The following PLAGL2 variants were observed in gnomAD, a reference collection of about 807,000 sequenced individuals.
PLAGL2 encodes zinc finger protein PLAGL2.
PLAGL2 carries 7 observed loss-of-function variants against 29.0 expected under a neutral mutation model. That is an observed-to-expected ratio of 0.24 (90% CI 0.14 to 0.45). PLAGL2 has a LOEUF of 0.45. Among genes scored for constraint, PLAGL2 ranks in the 20% least tolerant of loss-of-function variants. PLAGL2 has a pLI of 0.99. For missense variants in PLAGL2, 454 were observed against 648.2 expected, an observed-to-expected ratio of 0.70 and a Z score of 3.25; for synonymous variants, 234 against 266.0, an observed-to-expected ratio of 0.88 and a Z score of 1.17.
intron 1 of PLAGL2, among the ~76,000 whole-genome samples, chr20:32,205,729 C>T (rs774278853): frequency 2.0e-5 from 3 of 152,170 alleles, no homozygotes; most frequent in Non-Finnish European, 4.4e-5. Context: ...GTGAGGTATG[C>T]AAAGGGCTCA....
chr20:32,202,006 T>G lies in PLAGL2; in HGVS notation c.173A>C (p.His58Pro). 1 of 1,614,022 alleles carries G rather than the reference T, an allele frequency of 6.2e-7. No individual in the cohort carries two copies. The highest frequency in any genetic ancestry group is 1.3e-5 in the African/African-American group (1 of 75,062). Residue 58 changes from histidine to proline, a missense_variant, in exon 2 of 3, where the codon CAC (histidine) becomes CCC (proline). Around this residue, in one of 4 missense-constraint regions of PLAGL2, gnomAD observed 89 missense variants for 90.4 expected, o/e 0.98. Transcript: ENST00000246229. ...TCTCTGCTCTGGTTGCGGGAGGCTG[T>G]GAGGCCTCAGCTTCTCCCCATTTGA... ...PFSNGEKLRPHSLPQPEQRPY... is the reference protein window; with the variant it reads ...PFSNGEKLRPPSLPQPEQRPY...
Position 32,202,271 on chromosome 20 carries a change from T to G in PLAGL2, c.-93A>C. 1 of 1,325,658 alleles carries G rather than the reference T, an allele frequency of 7.5e-7. No individual in the cohort carries two copies. 82.1% of individuals were successfully genotyped at this position (1,325,658 alleles called of 1,614,324 possible). A position where few individuals can be genotyped will look rare whatever the true frequency, so the allele number is the denominator to read the frequency against. On this transcript the variant is annotated 5_prime_UTR_variant, in exon 2 of 3. Transcript: ENST00000246229. Reference sequence around the variant, plus strand: ...GCTCTGTCACAGCCTCCAACGCAGCTTTCAGAAAACAATCTCTTCACCTGA... The same window carrying G: ...GCTCTGTCACAGCCTCCAACGCAGCGTTCAGAAAACAATCTCTTCACCTGA...
At chr20:32,201,329 A>C (rs2047258261) in intron 2 of PLAGL2, among the ~76,000 whole-genome samples, 1 of 152,246 alleles carries the variant, frequency 6.6e-6, no homozygotes. Flanking sequence ...TCATGCCTGT[A>C]ATCTCACTGC....
chr20:32,206,797 G>A (rs1159223880), intron 1 of PLAGL2, among the ~76,000 whole-genome samples: 1 of 152,180 alleles, frequency 6.6e-6, no homozygotes, highest in African/African-American at 2.4e-5. Flanking sequence ...TGTGGGAAAG[G>A]TTCAATTCCC....
chr20:32,205,959 G>A (rs897174483), intron 1 of PLAGL2, among the ~76,000 whole-genome samples: 11 of 152,168 alleles, frequency 7.2e-5, no homozygotes, highest in African/African-American at 2.2e-4. Flanking sequence ...CCACTTCAGT[G>A]ACTACCCTAA....
In PLAGL2 at chr20:32,197,454, C is replaced by T; in HGVS notation, c.489G>A (p.Gln163=). The change falls in exon 3 of 3, where the codon CAG becomes CAA. Residue 163 remains glutamine, a synonymous_variant. Coordinates refer to ENST00000246229, the MANE Select transcript of PLAGL2 (RefSeq NM_002657.3). The surrounding 1 kb of genome is among the most constrained non-coding windows in gnomAD (Gnocchi z 6.6). ...GCAGGGCCTGGGTACTCTCAAAGGTCTGCAGGCACACCTTGCAGCTGAGGT... is the reference window on the plus strand; with the variant it reads ...GCAGGGCCTGGGTACTCTCAAAGGTTTGCAGGCACACCTTGCAGCTGAGGT... The part of the protein sequence containing the change: ...SGDLSCKVCL[Q]TFESTQALLE... 6.2e-7 allele frequency: 1 copy of T among 1,612,976 alleles called. No individual in the cohort carries two copies. Among genetic ancestry groups the T allele is most frequent in the Non-Finnish European group, 8.5e-7 (1 of 1,180,000 alleles).
In PLAGL2 at chr20:32,197,022, G is replaced by A. The variant is rs745577979; in HGVS notation, c.921C>T (p.Ser307=). The A allele has an allele frequency of 6.2e-6, 10 of 1,614,140 alleles. No individual in the cohort carries two copies. The highest frequency in any genetic ancestry group is 1.7e-4 in the Middle Eastern group (1 of 6,060). The change falls in exon 3 of 3, where the codon AGC becomes AGT. Residue 307 remains serine (S), a synonymous_variant. Transcript: ENST00000246229. The surrounding 1 kb of genome is among the most constrained non-coding windows in gnomAD (Gnocchi z 6.6). ...MYGAHIPTMP[S]TGVPHSLVHN... is the part of the protein sequence containing the mutation. ...GCACCAGGGAGTGTGGCACGCCCGT[G>A]CTGGGCATGGTAGGGATGTGGGCAC...
At position 32,194,219 on chromosome 20, in the gene PLAGL2, G is replaced by A. The variant is rs953126382; in HGVS notation, c.*2233C>T. 2.0e-5 allele frequency: 3 copies of A among 151,988 alleles called. No homozygotes were observed. The highest frequency in any genetic ancestry group is 7.3e-5 in the African/African-American group (3 of 41,370). 9.4% of individuals were successfully genotyped at this position (151,988 alleles called of 1,614,324 possible). On this transcript the variant is annotated 3_prime_UTR_variant, in exon 3 of 3. Coordinates refer to ENST00000246229, the MANE Select transcript of PLAGL2 (RefSeq NM_002657.3). ...AGAGTGTAGGGAAGGTGGCAGTTAA[G>A]GTGAGAAGGGTTGCTGAGTCTAGTG...
intron 2 of PLAGL2, among the ~76,000 whole-genome samples, chr20:32,199,784 T>G (rs2047249511): frequency 6.6e-6 from 1 of 151,692 alleles, no homozygotes; most frequent in African/African-American, 2.4e-5. Flanking sequence ...AGGCTGCAGT[T>G]AGTTATAATC....
chr20:32,192,810 A>T lies in PLAGL2; in HGVS notation c.*3642T>A, dbSNP rs1276932317. On this transcript the variant is annotated 3_prime_UTR_variant, in exon 3 of 3. Coordinates refer to ENST00000246229, the MANE Select transcript of PLAGL2 (RefSeq NM_002657.3). ...GCTGGTAGGGAGGGAGAAGCATGAG[A>T]AGTGGTGTCTCAGGAGTTCTAGTGC... The T allele has an allele frequency of 6.6e-6, 1 of 152,590 alleles. No individual in the cohort carries two copies. Among genetic ancestry groups the T allele is most frequent in the Non-Finnish European group, 1.5e-5 (1 of 68,048 alleles). The allele number at this position is 152,590 out of a possible 1,614,324, so 9.5% of individuals were successfully genotyped here.
intron 1 of PLAGL2, among the ~76,000 whole-genome samples, chr20:32,204,029 T>C (rs1204007740): frequency 2.6e-5 from 4 of 152,200 alleles, no homozygotes; most frequent in Non-Finnish European, 4.4e-5. Context: ...CTGGCTTTCA[T>C]TGTTTAAGTC....
intron 1 of PLAGL2, among the ~76,000 whole-genome samples, chr20:32,207,188 CAG>C (rs956295455): frequency 2.0e-5 from 3 of 152,218 alleles, no homozygotes; most frequent in African/African-American, 7.2e-5. Flanking sequence ...GAAAATGAAA[CAG>C]GGTACAGAGC....
At position 32,206,381 on chromosome 20, in the gene PLAGL2, C is replaced by A. The variant is rs1275992384; in HGVS notation, c.-115+1260G>T. Among the ~76,000 whole-genome samples, 3 of 152,320 alleles carry A rather than the reference C, an allele frequency of 2.0e-5. No homozygotes were observed. The South Asian group carries it at 6.2e-4, about 32-fold the overall frequency. On this transcript the variant is annotated intron_variant, in intron 1 of 2. Transcript: ENST00000246229. Reference sequence around the variant, plus strand: ...AGGGGTTGGATTTACTCTCAGGCTGCTAATTCTTCTGTCAGTGTAGATGGG... The same window carrying A: ...AGGGGTTGGATTTACTCTCAGGCTGATAATTCTTCTGTCAGTGTAGATGGG...
chr20:32,202,750 T>C (rs1240799893), intron 1 of PLAGL2, among the ~76,000 whole-genome samples: 1 of 152,174 alleles, frequency 6.6e-6, no homozygotes, highest in Non-Finnish European at 1.5e-5. Flanking sequence ...GTCCTCCTCA[T>C]GGAGGTGCTA....
In PLAGL2 at chr20:32,201,960, C is replaced by G. The variant is rs770868304; in HGVS notation, c.219G>C (p.Leu73=). The G allele has an allele frequency of 6.2e-7, 1 of 1,613,918 alleles. No individual in the cohort carries two copies. Among genetic ancestry groups the G allele is most frequent in the Non-Finnish European group, 8.5e-7 (1 of 1,179,730 alleles). The change falls in exon 2 of 3, where the codon CTG becomes CTC. Residue 73 remains leucine (L), a synonymous_variant. Coordinates refer to ENST00000246229, the MANE Select transcript of PLAGL2 (RefSeq NM_002657.3). ...TGGAAGCAAAAGCCTTGCCACAGTG[C>G]AGCTGAGGGCAGCTATATGGTCTCT... ...PEQRPYSCPQ[L]HCGKAFASKY...
At chr20:32,203,093 G>T (rs570894164) in intron 1 of PLAGL2, among the ~76,000 whole-genome samples, 1 of 152,134 alleles carries the variant, frequency 6.6e-6, no homozygotes, top group Non-Finnish European at 1.5e-5. Context: ...TTTAGAAGAC[G>T]GTAGCGAGCT....
In PLAGL2 at chr20:32,192,946, T is replaced by G. The variant is rs531568182; in HGVS notation, c.*3506A>C. On this transcript the variant is annotated 3_prime_UTR_variant, in exon 3 of 3. Transcript: ENST00000246229. ...CCTCTATGGAGGCACTAGGTTATCA[T>G]GGTGAACACCCTTTTCCCTCGCCAT... The G allele has an allele frequency of 2.0e-5, 3 of 152,614 alleles. No individual in the cohort carries two copies. The highest frequency in any genetic ancestry group is 7.2e-5 in the African/African-American group (3 of 41,434). The allele number at this position is 152,614 out of a possible 1,614,324, so 9.5% of individuals were successfully genotyped here. A position where few individuals can be genotyped will look rare whatever the true frequency, so the allele number is the denominator to read the frequency against.
chr20:32,197,334 A>T lies in PLAGL2; in HGVS notation c.609T>A (p.Arg203=), dbSNP rs182753812. 17 of 1,600,530 alleles carry T rather than the reference A, an allele frequency of 1.1e-5. No individual in the cohort carries two copies. The East Asian group carries it at 3.8e-4, about 36-fold the overall frequency. The change falls in exon 3 of 3, where the codon CGT becomes CGA. Residue 203 remains arginine, a synonymous_variant. Coordinates refer to ENST00000246229, the MANE Select transcript of PLAGL2 (RefSeq NM_002657.3). The surrounding 1 kb of genome is among the most constrained non-coding windows in gnomAD (Gnocchi z 6.6). The stretch of plus-strand genomic sequence containing the variant: ...CCACTAGGTGCCGCCGTACATCCTT[A>T]CGAGTATAGAACCGCCGGTCGCAGT... The part of the protein sequence containing the change: ...CDHCDRRFYT[R]KDVRRHLVVH...
At chr20:32,207,056 G>C (rs1184908759) in intron 1 of PLAGL2, among the ~76,000 whole-genome samples, 1 of 152,172 alleles carries the variant, frequency 6.6e-6, no homozygotes, top group African/African-American at 2.4e-5. Flanking sequence ...ATGGGTAACG[G>C]GATGGAAGAT....
Sources: allele counts gnomAD v4.1 joint callset (sites outside exome capture counted in the v4.1 genomes callset), GRCh38; gene constraint gnomAD v4.1.1; regional missense constraint gnomAD v4.1.1; non-coding constraint Gnocchi (gnomAD v3.1); transcripts MANE v1.5; gene names NCBI Gene and HGNC (gene_info 2026-07-23, HGNC 2026-07-21).